PCDHGA5: variants seen among roughly 807,000 people sequenced by gnomAD.
PCDHGA5 encodes the protein protocadherin gamma subfamily A, 5.
PCDHGA5 carries 36 observed loss-of-function variants against 56.7 expected under a neutral mutation model. The observed-to-expected ratio is 0.64, with a 90% CI of 0.49 to 0.84. The LOEUF (loss-of-function observed/expected upper bound fraction) is 0.84. Among genes scored for constraint, PCDHGA5 ranks in the 40% least tolerant of loss-of-function variants. The probability of loss-of-function intolerance (pLI) is 0.00; values close to 1 mark genes in which losing one functional copy is unlikely to be tolerated. For missense variants in PCDHGA5, 1,305 were observed against 1,201.5 expected, an observed-to-expected ratio of 1.09 and a Z score of -1.27; for synonymous variants, 563 against 520.2, an observed-to-expected ratio of 1.08 and a Z score of -1.12.
At chr5:141,421,363 G>T (rs749916401) in intron 1 of PCDHGA5, 2 of 1,613,898 alleles carry the variant, frequency 1.2e-6, no homozygotes, top group South Asian at 2.2e-5. Flanking sequence ...GGGCTCCTTC[G>T]TGGGCAATAT....
chr5:141,410,645 A>G (rs755117096), intron 1 of PCDHGA5: 11 of 1,597,402 alleles, frequency 6.9e-6, no homozygotes, highest in Non-Finnish European at 9.3e-6. Flanking sequence ...TTTGTGTGTG[A>G]TTTATCTAAT....
At chr5:141,375,691 C>T in intron 1 of PCDHGA5, 1 of 1,614,272 alleles carries the variant, frequency 6.2e-7, no homozygotes, top group South Asian at 1.1e-5. Context: ...CAGCCAGCGA[C>T]AGCGGGGACC....
At chr5:141,400,511 C>T (rs1456963604) in intron 1 of PCDHGA5, 2 of 1,613,824 alleles carry the variant, frequency 1.2e-6, no homozygotes, top group Admixed American at 3.3e-5. Flanking sequence ...GAGTCGACTT[C>T]CCATCCTGAG....
chr5:141,376,483 G>C (rs139873493), intron 1 of PCDHGA5: 3 of 1,614,058 alleles, frequency 1.9e-6, no homozygotes, highest in East Asian at 2.2e-5. Context: ...TACTTGAAAC[G>C]AAAGGAGAAC....
intron 1 of PCDHGA5, among the ~76,000 whole-genome samples, chr5:141,470,036 C>T (rs573955901): frequency 5.3e-5 from 8 of 152,022 alleles, no homozygotes; most frequent in South Asian, 2.1e-4. Flanking sequence ...TGCTGAGGCG[C>T]GAGAACTGTT....
chr5:141,409,233 G>A, intron 1 of PCDHGA5: 2 of 1,614,008 alleles, frequency 1.2e-6, no homozygotes, highest in Non-Finnish European at 1.7e-6. Flanking sequence ...AACGACAACA[G>A]CCCAGAAATA....
chr5:141,433,823 G>T (rs555746621), intron 1 of PCDHGA5, among the ~76,000 whole-genome samples: 2 of 144,288 alleles, frequency 1.4e-5, no homozygotes, highest in Non-Finnish European at 3.0e-5. Context: ...GGCAACAAGA[G>T]TGAAACTCTA....
At position 141,415,520 on chromosome 5, in the gene PCDHGA5, C is replaced by A. The variant is rs200535016; in HGVS notation, c.2421+48769C>A. The A allele has an allele frequency of 1.8e-4, 288 of 1,614,072 alleles. 3 individuals carry two copies. The highest frequency in any genetic ancestry group is 6.7e-5 in the Non-Finnish European group (79 of 1,180,044). On this transcript the variant is annotated intron_variant, in intron 1 of 3. Coordinates refer to ENST00000518069, the MANE Select transcript of PCDHGA5 (RefSeq NM_018918.3). Reference sequence around the variant, plus strand: ...TTCCCCCAGCCCAATTATGCGGACACGCTCATCAGCCAGGAGAGCTGTGAG... The same window carrying A: ...TTCCCCCAGCCCAATTATGCGGACAAGCTCATCAGCCAGGAGAGCTGTGAG...
At chr5:141,469,191 G>A (rs1431459571) in intron 1 of PCDHGA5, among the ~76,000 whole-genome samples, 1 of 151,882 alleles carries the variant, frequency 6.6e-6, no homozygotes, top group Admixed American at 6.6e-5. Flanking sequence ...CAAGAGGATT[G>A]CTTGAGCCTT....
chr5:141,454,779 A>G (rs1387404898), intron 1 of PCDHGA5, among the ~76,000 whole-genome samples: 2 of 146,092 alleles, frequency 1.4e-5, no homozygotes, highest in African/African-American at 2.6e-5. Context: ...ACAAGGAAAT[A>G]ATCCTCCATG....
chr5:141,449,630 T>G (rs1006977026), intron 1 of PCDHGA5, among the ~76,000 whole-genome samples: 2 of 150,024 alleles, frequency 1.3e-5, no homozygotes, highest in Non-Finnish European at 3.0e-5. Flanking sequence ...TTTAAAAAGA[T>G]GTATCTATAT....
chr5:141,415,866 T>A, intron 1 of PCDHGA5: 1 of 1,115,266 alleles, frequency 9.0e-7, no homozygotes, highest in Non-Finnish European at 1.2e-6. Context: ...GTTTATAGTG[T>A]TGTTGAGTAC....
At chr5:141,419,781 G>A in intron 1 of PCDHGA5, 1 of 1,614,032 alleles carries the variant, frequency 6.2e-7, no homozygotes, top group Non-Finnish European at 8.5e-7. Flanking sequence ...GTCCGCCAGC[G>A]CCTGCTAGTC....
rs1416755901 is a variant in PCDHGA5 at position 141,489,721 on chromosome 5, G to C, written c.2422-5086G>C. The C allele has an allele frequency of 6.2e-7, 1 of 1,614,016 alleles. No homozygotes were observed. The highest frequency in any genetic ancestry group is 8.5e-7 in the Non-Finnish European group (1 of 1,179,966). On this transcript the variant is annotated intron_variant, in intron 1 of 3. Coordinates refer to ENST00000518069, the MANE Select transcript of PCDHGA5 (RefSeq NM_018918.3). The surrounding 1 kb of genome is among the most constrained non-coding windows in gnomAD (Gnocchi z 4.5). ...CCCACTGGACAGTGCCCAGGATCCGGATGTGGGCACCAATACTGTGAGCTT... is the reference window on the plus strand; with the variant it reads ...CCCACTGGACAGTGCCCAGGATCCGCATGTGGGCACCAATACTGTGAGCTT...
At chr5:141,410,189 G>A in intron 1 of PCDHGA5, 1 of 1,613,992 alleles carries the variant, frequency 6.2e-7, no homozygotes, top group Non-Finnish European at 8.5e-7. Context: ...GCTTCATCTG[G>A]TCTTCGCAGA....
At chr5:141,389,438 C>G in intron 1 of PCDHGA5, 1 of 1,610,592 alleles carries the variant, frequency 6.2e-7, no homozygotes, top group East Asian at 2.2e-5. Context: ...AGCGCGCCTT[C>G]GACCACGAGC....
rs779500238 is a variant in PCDHGA5 at position 141,365,002 on chromosome 5, C to G, written c.672C>G (p.Gly224=). ...ATGGCGGAGACCCGGTACTCTCCGG[C>G]ACCACGCACATCCGTGTTACGGTCC... The part of the protein sequence containing the change: ...ALDGGDPVLS[G]TTHIRVTVLD... The change falls in exon 1 of 4, where the codon GGC becomes GGG. Residue 224 remains glycine (G), a synonymous_variant. Coordinates refer to ENST00000518069, the MANE Select transcript of PCDHGA5 (RefSeq NM_018918.3). 2 of 1,613,800 alleles carry G rather than the reference C, an allele frequency of 1.2e-6. No homozygotes were observed. Among genetic ancestry groups the G allele is most frequent in the African/African-American group, 2.7e-5 (2 of 74,926 alleles).
Position 141,476,278 on chromosome 5 carries a change from T to C in PCDHGA5, c.2422-18529T>C, listed in dbSNP as rs746655724. On this transcript the variant is annotated intron_variant, in intron 1 of 3. Transcript: ENST00000518069. The surrounding 1 kb of genome is among the most constrained non-coding windows in gnomAD (Gnocchi z 7.6). ...CTGTGGGCAACGTGGTCGCGAACCTTGGTTTGGATCTCGGTAGCCTCTCAG... is the reference window on the plus strand; with the variant it reads ...CTGTGGGCAACGTGGTCGCGAACCTCGGTTTGGATCTCGGTAGCCTCTCAG... The C allele has an allele frequency of 3.2e-5, 52 of 1,613,758 alleles. No homozygotes were observed. Among genetic ancestry groups the C allele is most frequent in the Non-Finnish European group, 4.2e-5 (49 of 1,179,958 alleles).
Position 141,410,164 on chromosome 5 carries a change from C to T in PCDHGA5, c.2421+43413C>T, listed in dbSNP as rs756470415. The T allele has an allele frequency of 4.4e-5, 71 of 1,613,642 alleles. No homozygotes were observed. The highest frequency in any genetic ancestry group is 5.8e-5 in the Non-Finnish European group (69 of 1,179,812). On this transcript the variant is annotated intron_variant, in intron 1 of 3. Transcript: ENST00000518069. ...TGCGTGACGGTGGACAGCCGCCACTCTCTGCCACCGCCACGCTTCATCTGG... is the reference window on the plus strand; with the variant it reads ...TGCGTGACGGTGGACAGCCGCCACTTTCTGCCACCGCCACGCTTCATCTGG...
Sources: gnomAD v4.1 joint callset for allele counts (sites outside exome capture counted in the v4.1 genomes callset) on GRCh38, gnomAD v4.1.1 for gene constraint, Gnocchi (gnomAD v3.1) non-coding constraint, MANE v1.5 for transcripts, NCBI Gene and HGNC (gene_info 2026-07-23, HGNC 2026-07-21) for gene names.